Variants in PUF60 observed in about 807,000 individuals in gnomAD.
The protein encoded by PUF60 is poly(U)-binding-splicing factor PUF60.
PUF60 carries 10 observed loss-of-function variants against 61.8 expected under a neutral mutation model. That is an observed-to-expected ratio of 0.16 (90% CI 0.10 to 0.27). The LOEUF is 0.27. PUF60 is among the 10% of genes least tolerant of loss of function. The probability of loss-of-function intolerance (pLI) is 1.00; values close to 1 mark genes in which losing one functional copy is unlikely to be tolerated. For synonymous variants in PUF60, 353 were observed against 300.9 expected (o/e 1.17, Z -1.79); for missense variants, 371 against 754.0 (o/e 0.49, Z 5.95).
chr8:143,819,288 G>A (rs1349233042), intron 5 of PUF60, among the ~76,000 whole-genome samples: 4 of 152,118 alleles, frequency 2.6e-5, no homozygotes, highest in Non-Finnish European at 4.4e-5. Context: ...AGGCCTGGCC[G>A]GTCCAGGGCC....
At chr8:143,826,873 C>T (rs1817690850) in intron 1 of PUF60, among the ~76,000 whole-genome samples, 1 of 152,246 alleles carries the variant, frequency 6.6e-6, no homozygotes, top group African/African-American at 2.4e-5. Context: ...AACCCCACAA[C>T]CTGCAGTCCC....
At chr8:143,822,871 G>T in intron 2 of PUF60, 1 of 319,944 alleles carries the variant, frequency 3.1e-6, no homozygotes, top group East Asian at 8.2e-5. Flanking sequence ...CACCAACCGG[G>T]CCCTCCGAGA....
chr8:143,824,248 A>G (rs1479537060), intron 2 of PUF60, 65 bp downstream of exon 2: 17 of 1,468,830 alleles, frequency 1.2e-5, no homozygotes, highest in East Asian at 5.0e-5. Flanking sequence ...AGGGACGCAC[A>G]GGCAGGCGGG....
chr8:143,827,400 G>A (rs1051637033), intron 1 of PUF60: 4 of 456,168 alleles, frequency 8.8e-6, no homozygotes, highest in African/African-American at 2.0e-5. Context: ...CTGCAAAGAG[G>A]CAGCCGGCCT....
At chr8:143,820,914 G>A (rs1194679077) in intron 4 of PUF60, among the ~76,000 whole-genome samples, 198 bp from the exon 5 acceptor site, 1 of 152,146 alleles carries the variant, frequency 6.6e-6, no homozygotes, top group African/African-American at 2.4e-5. Flanking sequence ...CAGCCTTGCA[G>A]CTGGGCCGGC....
At position 143,816,538 on chromosome 8, in the gene PUF60, G is replaced by A. The variant is rs1279844527; in HGVS notation, c.1662C>T (p.Asn554=). The A allele has an allele frequency of 1.2e-6, 2 of 1,611,284 alleles. No homozygotes were observed. Among genetic ancestry groups the A allele is most frequent in the Non-Finnish European group, 1.7e-6 (2 of 1,178,524 alleles). Residue 554 remains asparagine, a synonymous_variant, in exon 12 of 12, where the codon AAC becomes AAT. Transcript: ENST00000526683. The stretch of plus-strand genomic sequence containing the variant: ...ACCACTGTCACGCAGAGAGGTCACT[G>A]TTATCAAAACGCTCCTGGTCGTACA... ...AEVYDQERFD[N]SDLSA
intron 5 of PUF60, among the ~76,000 whole-genome samples, chr8:143,819,673 T>A (rs1816792012): frequency 6.6e-6 from 1 of 152,154 alleles, no homozygotes; most frequent in Middle Eastern, 3.2e-3. Flanking sequence ...CTCCTCACAC[T>A]GGGCCCCCTG....
At chr8:143,822,527 G>C in intron 2 of PUF60, 1 of 456,632 alleles carries the variant, frequency 2.2e-6, no homozygotes, top group South Asian at 1.5e-5. Flanking sequence ...CACAAGCCCT[G>C]AAGAGGGCTC....
intron 1 of PUF60, chr8:143,827,543 C>A: frequency 2.3e-6 from 1 of 437,430 alleles, no homozygotes; most frequent in South Asian, 1.6e-5. Flanking sequence ...AGAGCTGAAG[C>A]AGCATGAGAC....
chr8:143,818,696 T>A lies in PUF60; in HGVS notation c.349-162A>T, dbSNP rs958650559. The A allele has an allele frequency of 3.9e-6, 3 of 760,770 alleles. No homozygotes were observed. In the African/African-American group the frequency reaches 5.5e-5, roughly 14 times the overall value. The allele number at this position is 760,770 out of a possible 1,614,324, so 47.1% of individuals were successfully genotyped here. A position where few individuals can be genotyped will look rare whatever the true frequency, so the allele number is the denominator to read the frequency against. On this transcript the variant is annotated intron_variant, in intron 5 of 11. Coordinates refer to ENST00000526683, the MANE Select transcript of PUF60 (RefSeq NM_078480.3). The surrounding 1 kb of genome is among the most constrained non-coding windows in gnomAD (Gnocchi z 7.9). ...CATCCCTGCAGTCATAGTGTGGGGG[T>A]CGCAGGACCCCGCCACCCAAAGAAG...
chr8:143,822,713 T>C (rs968070404), intron 2 of PUF60: 4 of 374,798 alleles, frequency 1.1e-5, no homozygotes, highest in South Asian at 5.8e-5. Flanking sequence ...GTCCCTCCTG[T>C]CAAAATCCAT....
intron 3 of PUF60, 41 bp downstream of exon 3, chr8:143,821,777 A>G: frequency 1.0e-5 from 15 of 1,493,172 alleles, no homozygotes; most frequent in Non-Finnish European, 1.4e-5. Context: ...CCCCCAGTTG[A>G]CTGTCCCACA....
Position 143,818,607 on chromosome 8 carries a change from C to G in PUF60, c.349-73G>C, listed in dbSNP as rs1479793040. The G allele has an allele frequency of 5.5e-6, 8 of 1,451,644 alleles. 1 individual carries two copies. Among genetic ancestry groups the G allele is most frequent in the Non-Finnish European group, 5.5e-6 (6 of 1,088,310 alleles). The allele number at this position is 1,451,644 out of a possible 1,614,324, so 89.9% of individuals were successfully genotyped here. On this transcript the variant is annotated intron_variant, in intron 5 of 11. Coordinates refer to ENST00000526683, the MANE Select transcript of PUF60 (RefSeq NM_078480.3). This position sits in a 1 kb window ranked among gnomAD's most constrained non-coding sequence, Gnocchi z 7.9. ...AGGAAGCTGGGCAGCCCACTCCCCTCCTGGCCCACCCACCCAGCCCTGCTG... is the reference window on the plus strand; with the variant it reads ...AGGAAGCTGGGCAGCCCACTCCCCTGCTGGCCCACCCACCCAGCCCTGCTG...
Position 143,818,444 on chromosome 8 carries a change from G to C in PUF60, c.439C>G (p.Gln147Glu). The C allele has an allele frequency of 6.2e-7, 1 of 1,612,124 alleles. No homozygotes were observed. The highest frequency in any genetic ancestry group is 8.5e-7 in the Non-Finnish European group (1 of 1,179,572). The change falls in exon 6 of 12, where the codon CAG (glutamine) becomes GAG (glutamate). Residue 147 changes from glutamine to glutamate, a missense_variant. Physicochemically the swap from Gln to Glu is conservative, Grantham distance 29. Around this residue, in one of 13 missense-constraint regions of PUF60, gnomAD observed 35 missense variants for 173.1 expected, o/e 0.20. Transcript: ENST00000526683. The surrounding 1 kb of genome is among the most constrained non-coding windows in gnomAD (Gnocchi z 7.9). ...ATGGGGCCAAAGGGGGCAAAGGCCT[G>C]GCGGATGGTGTCCTCCCCCAGCTCA... ...YYELGEDTIR[Q>E]AFAPFGPIKS... is the part of the protein sequence containing the mutation.
chr8:143,827,431 G>C (rs963352323), intron 1 of PUF60: 6 of 456,290 alleles, frequency 1.3e-5, no homozygotes, highest in Middle Eastern at 6.5e-4. Context: ...CCACCAGGCA[G>C]AAGGCATGCC....
rs1458777514 is a variant in PUF60, at chr8:143,816,548, C to T, written c.1652G>A (p.Arg551His). The T allele has an allele frequency of 6.2e-7, 1 of 1,612,012 alleles. No homozygotes were observed. The highest frequency in any genetic ancestry group is 1.3e-5 in the African/African-American group (1 of 74,922). ...KVVAEVYDQE[R>H]FDNSDLSA Reference sequence around the variant, plus strand: ...CGCAGAGAGGTCACTGTTATCAAAACGCTCCTGGTCGTACACTTCAGCCAC... The same window carrying T: ...CGCAGAGAGGTCACTGTTATCAAAATGCTCCTGGTCGTACACTTCAGCCAC... Residue 551 changes from arginine to histidine, a missense_variant, in exon 12 of 12, where the codon CGT becomes CAT. By Grantham distance (29) the Arg-to-His change is conservative. Around this residue, in one of 13 missense-constraint regions of PUF60, gnomAD observed 17 missense variants for 37.3 expected, o/e 0.46. Coordinates refer to ENST00000526683, the MANE Select transcript of PUF60 (RefSeq NM_078480.3).
At chr8:143,820,422 C>T (rs1035616539) in intron 5 of PUF60, 11 of 569,074 alleles carry the variant, frequency 1.9e-5, no homozygotes, top group African/African-American at 1.2e-4. Context: ...GGCTGCCCTC[C>T]GCAGTTACCT....
Position 143,820,681 on chromosome 8 carries a change from G to A in PUF60, c.333C>T (p.Leu111=), listed in dbSNP as rs1816907687. 6.2e-7 allele frequency: 1 copy of A among 1,612,950 alleles called. No individual in the cohort carries two copies. The highest frequency in any genetic ancestry group is 1.3e-5 in the African/African-American group (1 of 74,916). The change falls in exon 5 of 12, where the codon CTC becomes CTT. Residue 111 remains leucine (L), a synonymous_variant. Coordinates refer to ENST00000526683, the MANE Select transcript of PUF60 (RefSeq NM_078480.3). Reference sequence around the variant, plus strand: ...TTCTATTGACCGATTGCAAAGGTGAGAGAGGATCTCCAAAGCCCATTGTCA... The same window carrying A: ...TTCTATTGACCGATTGCAAAGGTGAAAGAGGATCTCCAAAGCCCATTGTCA... ...AAVTMGFGDP[L]SPLQSMAAQR...
chr8:143,818,623 A>G lies in PUF60; in HGVS notation c.349-89T>C. On this transcript the variant is annotated intron_variant, in intron 5 of 11. Coordinates refer to ENST00000526683, the MANE Select transcript of PUF60 (RefSeq NM_078480.3). This position sits in a 1 kb window ranked among gnomAD's most constrained non-coding sequence, Gnocchi z 7.9. ...CACTCCCCTCCTGGCCCACCCACCC[A>G]GCCCTGCTGTGGGGAGGGCTCCCCA... 3 of 1,382,476 alleles carry G rather than the reference A, an allele frequency of 2.2e-6. No homozygotes were observed. The highest frequency in any genetic ancestry group is 2.9e-6 in the Non-Finnish European group (3 of 1,037,160). 85.6% of individuals were successfully genotyped at this position (1,382,476 alleles called of 1,614,324 possible).
Sources: gnomAD v4.1 joint callset for allele counts (sites outside exome capture counted in the v4.1 genomes callset) on GRCh38, gnomAD v4.1.1 for gene constraint, gnomAD v4.1.1 regional missense constraint, Gnocchi (gnomAD v3.1) non-coding constraint, MANE v1.5 for transcripts, NCBI Gene and HGNC (gene_info 2026-07-23, HGNC 2026-07-21) for gene names.